The following AIG1 variants were observed in gnomAD, a reference collection of about 807,000 sequenced individuals.
AIG1 encodes the protein androgen-induced gene 1 protein.
In AIG1, 23 loss-of-function variants were observed where a neutral mutation model predicts 31.4. The observed-to-expected ratio is 0.73, with a 90% CI of 0.53 to 1.04. AIG1 has a LOEUF of 1.04. Ranked by LOEUF, AIG1 falls within the 50% of genes least tolerant of loss-of-function variation. The probability of loss-of-function intolerance (pLI) is 0.00; values close to 1 mark genes in which losing one functional copy is unlikely to be tolerated. For synonymous variants in AIG1, 100 were observed against 110.5 expected (o/e 0.90, Z 0.60); for missense variants, 274 against 295.0 (o/e 0.93, Z 0.52).
At chr6:143,159,238 G>A (rs1022273482) in intron 2 of AIG1, among the ~76,000 whole-genome samples, 1 of 152,216 alleles carries the variant, frequency 6.6e-6, no homozygotes, top group African/African-American at 2.4e-5. Flanking sequence ...ACAAATTACT[G>A]GTTGGACTTG....
chr6:143,151,084 A>C (rs141724041), intron 2 of AIG1, among the ~76,000 whole-genome samples: 1 of 152,156 alleles, frequency 6.6e-6, no homozygotes, highest in Non-Finnish European at 1.5e-5. Context: ...TCCAAAGATG[A>C]CCAATTTTTT....
At chr6:143,316,212 T>C (rs905454152) in intron 4 of AIG1, among the ~76,000 whole-genome samples, 1 of 152,036 alleles carries the variant, frequency 6.6e-6, no homozygotes, top group Non-Finnish European at 1.5e-5. Context: ...GTGCAAAATA[T>C]CTGAGAAAAG....
At chr6:143,204,906 AGAG>A (rs2128609849) in intron 3 of AIG1, among the ~76,000 whole-genome samples, 1 of 152,254 alleles carries the variant, frequency 6.6e-6, no homozygotes, top group East Asian at 1.9e-4. Context: ...ATCTAGTAGA[AGAG>A]GAGTTTCGCA....
intron 2 of AIG1, among the ~76,000 whole-genome samples, chr6:143,146,516 TTC>T (rs148829245): frequency 6.0e-4 from 87 of 145,282 alleles, no homozygotes; most frequent in Non-Finnish European, 6.2e-4. Context: ...ACCCCCATCT[TTC>T]TCTCTCTCTC....
rs754039334 is a variant in AIG1 at position 143,189,162 on chromosome 6, GC to G, written c.399+23985del. On this transcript the variant is annotated intron_variant, in intron 3 of 5. Transcript: ENST00000357847. ...GGGCTCAAGCAATCCTCCTGCCTCA[GC>G]CCCCCAAGTAGCTGGGACCACAGAT... 7 of 510,712 alleles carry G rather than the reference GC, an allele frequency of 1.4e-5. No individual in the cohort carries two copies. In the East Asian group the frequency reaches 1.1e-3, roughly 77 times the overall value. The allele number at this position is 510,712 out of a possible 1,614,324, so 31.6% of individuals were successfully genotyped here. A position where few individuals can be genotyped will look rare whatever the true frequency, so the allele number is the denominator to read the frequency against.
chr6:143,214,152 T>C (rs956647271), intron 3 of AIG1, among the ~76,000 whole-genome samples: 30 of 152,200 alleles, frequency 2.0e-4, no homozygotes, highest in African/African-American at 6.3e-4. Context: ...CTCCGTGTTT[T>C]CCTACATTTA....
At chr6:143,294,487 C>G (rs1798285658) in intron 4 of AIG1, among the ~76,000 whole-genome samples, 1 of 152,158 alleles carries the variant, frequency 6.6e-6, no homozygotes, top group African/African-American at 2.4e-5. Context: ...CTCTCTGTGC[C>G]TTGGTTTTCT....
chr6:143,293,837 C>T lies in AIG1; in HGVS notation c.515+9612C>T, dbSNP rs1219155170. Among the ~76,000 whole-genome samples, 2 of 152,088 alleles carry T rather than the reference C, an allele frequency of 1.3e-5. No individual in the cohort carries two copies. Among genetic ancestry groups the T allele is most frequent in the African/African-American group, 4.8e-5 (2 of 41,390 alleles). On this transcript the variant is annotated intron_variant, in intron 4 of 5. Transcript: ENST00000357847. This position sits in a 1 kb window ranked among gnomAD's most constrained non-coding sequence, Gnocchi z 4.8. ...CTGCTTCTTTTCCCCATAGTCTGCC[C>T]AAATCACCAGTGTGATGCTGCTTGT...
intron 1 of AIG1, among the ~76,000 whole-genome samples, chr6:143,136,376 AT>A (rs1386441898): frequency 1.3e-5 from 2 of 152,136 alleles, no homozygotes; most frequent in East Asian, 3.9e-4. Flanking sequence ...TTTAGACTGA[AT>A]TGTCTTGTTA....
chr6:143,274,624 C>T (rs952612655), intron 3 of AIG1, among the ~76,000 whole-genome samples: 2 of 151,956 alleles, frequency 1.3e-5, no homozygotes, highest in African/African-American at 2.4e-5. Context: ...AACAGCAGTC[C>T]GTTGGAGGCA....
intron 2 of AIG1, among the ~76,000 whole-genome samples, chr6:143,162,318 A>G (rs914090572): frequency 1.3e-5 from 2 of 152,248 alleles, no homozygotes; most frequent in Non-Finnish European, 2.9e-5. Context: ...GGAAAATTCA[A>G]TATTGTTAAA....
Position 143,102,766 on chromosome 6 carries a change from G to A in AIG1, c.142-34069G>A, listed in dbSNP as rs537954630. On this transcript the variant is annotated intron_variant, in intron 1 of 5. Coordinates refer to ENST00000357847, the MANE Select transcript of AIG1 (RefSeq NM_016108.4). ...CTGACTTAATAAAATTAAAAAGTTAGTTATGAGCAGAGACACATGTAGACA... is the reference window on the plus strand; with the variant it reads ...CTGACTTAATAAAATTAAAAAGTTAATTATGAGCAGAGACACATGTAGACA... Among the ~76,000 whole-genome samples, 18 of 151,998 alleles carry A rather than the reference G, an allele frequency of 1.2e-4. 1 individual carries two copies. The highest frequency in any genetic ancestry group is 1.2e-3 in the Admixed American group (18 of 15,258).
In AIG1 at chr6:143,074,011, T is replaced by C. The variant is rs188881714; in HGVS notation, c.141+12945T>C. On this transcript the variant is annotated intron_variant, in intron 1 of 5. Coordinates refer to ENST00000357847, the MANE Select transcript of AIG1 (RefSeq NM_016108.4). Reference sequence around the variant, plus strand: ...TATATCAGTGATATTGAGCACCTTTTCATAGACCTGTTGGTGATTTTTATG... The same window carrying C: ...TATATCAGTGATATTGAGCACCTTTCCATAGACCTGTTGGTGATTTTTATG... 2.3e-3 allele frequency among the ~76,000 whole-genome samples: 347 copies of C among 152,344 alleles called. 4 individuals carry two copies. Among genetic ancestry groups the C allele is most frequent in the East Asian group, 1.5e-3 (8 of 5,196 alleles).
intron 2 of AIG1, among the ~76,000 whole-genome samples, chr6:143,155,352 G>T (rs1321438926): frequency 6.6e-6 from 1 of 152,134 alleles, no homozygotes; most frequent in Non-Finnish European, 1.5e-5. Flanking sequence ...AAGACAAGGG[G>T]GCCCAAAGCT....
chr6:143,331,762 G>T lies in AIG1; in HGVS notation c.516-1520G>T, dbSNP rs112419147. Among the ~76,000 whole-genome samples, 969 of 151,724 alleles carry T rather than the reference G, an allele frequency of 6.4e-3. 12 individuals carry two copies. Among genetic ancestry groups the T allele is most frequent in the Non-Finnish European group, 7.2e-3 (488 of 67,954 alleles). ...AATTTTCGCCTGCAAGAAGAGGGGG[G>T]ATCTCACCCTCATTGATAACGCAGG... On this transcript the variant is annotated intron_variant, in intron 4 of 5. Transcript: ENST00000357847. The surrounding 1 kb of genome is among the most constrained non-coding windows in gnomAD (Gnocchi z 4.1).
intron 3 of AIG1, among the ~76,000 whole-genome samples, chr6:143,190,978 C>G (rs1789740072): frequency 6.6e-6 from 1 of 151,086 alleles, no homozygotes; most frequent in Non-Finnish European, 1.5e-5. Flanking sequence ...GAGACACTAT[C>G]TATTTTTTTT....
intron 3 of AIG1, among the ~76,000 whole-genome samples, chr6:143,211,152 CT>C (rs1380458244): frequency 1.3e-5 from 2 of 152,128 alleles, no homozygotes; most frequent in East Asian, 3.9e-4. Flanking sequence ...AGCTAAGTGA[CT>C]TACCTAAGGT....
At chr6:143,323,063 G>A (rs1005378290) in intron 4 of AIG1, among the ~76,000 whole-genome samples, 3 of 152,132 alleles carry the variant, frequency 2.0e-5, no homozygotes, top group African/African-American at 7.2e-5. Flanking sequence ...GGGAAACTGA[G>A]GCTCAATGAA....
chr6:143,204,571 CT>C (rs941448829), intron 3 of AIG1, among the ~76,000 whole-genome samples: 1 of 152,076 alleles, frequency 6.6e-6, no homozygotes, highest in African/African-American at 2.4e-5. Context: ...TCTGCTGCTT[CT>C]TATTGGTCAT....
Sources: gnomAD v4.1 joint callset for allele counts (sites outside exome capture counted in the v4.1 genomes callset) on GRCh38, gnomAD v4.1.1 for gene constraint, Gnocchi (gnomAD v3.1) non-coding constraint, MANE v1.5 for transcripts, NCBI Gene and HGNC (gene_info 2026-07-23, HGNC 2026-07-21) for gene names.